The following TGFBRAP1 variants were observed in gnomAD, a reference collection of about 807,000 sequenced individuals.
The protein encoded by TGFBRAP1 is transforming growth factor-beta receptor-associated protein 1.
TGFBRAP1 carries 20 observed loss-of-function variants against 83.2 expected under a neutral mutation model. The observed-to-expected ratio is 0.24, with a 90% CI of 0.17 to 0.35. TGFBRAP1 has a LOEUF of 0.35. Ranked by LOEUF, TGFBRAP1 falls within the 10% of genes least tolerant of loss-of-function variation. The pLI is 1.00. For missense variants in TGFBRAP1, 950 were observed against 1,099.4 expected, an observed-to-expected ratio of 0.86 and a Z score of 1.92; for synonymous variants, 415 against 459.8, an observed-to-expected ratio of 0.90 and a Z score of 1.25.
chr2:105,316,420 AGTGTGTGT>A (rs71393002), intron 1 of TGFBRAP1, among the ~76,000 whole-genome samples: 1,592 of 109,124 alleles, frequency 0.015, 34 homozygotes, highest in African/African-American at 0.049. Flanking sequence ...AGGTATAGGG[AGTGTGTGT>A]GTGTGTGTGT....
At chr2:105,323,630 G>T (rs536583962) in intron 1 of TGFBRAP1, among the ~76,000 whole-genome samples, 51 of 152,124 alleles carry the variant, frequency 3.4e-4, no homozygotes, top group Non-Finnish European at 4.9e-4. Flanking sequence ...GGCAAACCTT[G>T]CCAGCAATAT....
chr2:105,291,224 T>G (rs140605095), intron 4 of TGFBRAP1, among the ~76,000 whole-genome samples: 9 of 152,166 alleles, frequency 5.9e-5, no homozygotes, highest in African/African-American at 2.2e-4. Context: ...GCCCTTATAC[T>G]AATCCTGAGA....
downstream of TGFBRAP1, among the ~76,000 whole-genome samples, chr2:105,261,221 G>A (rs1203284596): frequency 1.3e-5 from 2 of 152,134 alleles, no homozygotes; most frequent in Non-Finnish European, 2.9e-5. Flanking sequence ...TGCTGTGGAG[G>A]TAAATCATAA....
rs189349841 is a variant in TGFBRAP1, at chr2:105,314,092, C to T, written c.-17-5774G>A. Among the ~76,000 whole-genome samples, 831 of 151,932 alleles carry T rather than the reference C, an allele frequency of 5.5e-3. 36 individuals are homozygous for T. The highest frequency in any genetic ancestry group is 9.6e-4 in the Non-Finnish European group (65 of 67,964). On this transcript the variant is annotated intron_variant, in intron 1 of 11. Coordinates refer to ENST00000393359, the MANE Select transcript of TGFBRAP1 (RefSeq NM_004257.6). ...GGAAATTTGTACACAGAGACAGATA[C>T]ATACAGAGAAAAGACAAGTGAAGAC...
chr2:105,329,252 G>A (rs1183319427), intron 1 of TGFBRAP1, among the ~76,000 whole-genome samples: 2 of 151,894 alleles, frequency 1.3e-5, no homozygotes, highest in African/African-American at 4.8e-5. Context: ...TCAAGGACGA[G>A]GTCTCTCAGG....
chr2:105,295,295 C>T (rs1361805387), intron 4 of TGFBRAP1, among the ~76,000 whole-genome samples: 5 of 152,146 alleles, frequency 3.3e-5, no homozygotes, highest in Admixed American at 2.0e-4. Flanking sequence ...ATTACACTGT[C>T]TTCTCTAAAA....
chr2:105,319,372 T>G (rs1213941000), intron 1 of TGFBRAP1, among the ~76,000 whole-genome samples: 2 of 147,074 alleles, frequency 1.4e-5, no homozygotes, highest in African/African-American at 4.9e-5. Context: ...AAGAGCAATA[T>G]TTTAAGTAGA....
chr2:105,295,328 T>C (rs1279646525), intron 4 of TGFBRAP1, among the ~76,000 whole-genome samples: 1 of 152,192 alleles, frequency 6.6e-6, no homozygotes, highest in Non-Finnish European at 1.5e-5. Flanking sequence ...TAAGAACTTT[T>C]TCATTATTAA....
chr2:105,267,315 T>C lies in TGFBRAP1; in HGVS notation c.*68A>G. On this transcript the variant is annotated 3_prime_UTR_variant, in exon 12 of 12. Coordinates refer to ENST00000393359, the MANE Select transcript of TGFBRAP1 (RefSeq NM_004257.6). Reference sequence around the variant, plus strand: ...TGGCTGACACAGAGCATGGTGGTCATCTGCTCTTCATGTCCAGCAGGCTCA... The same window carrying C: ...TGGCTGACACAGAGCATGGTGGTCACCTGCTCTTCATGTCCAGCAGGCTCA... 6.3e-7 allele frequency: 1 copy of C among 1,583,138 alleles called. No homozygotes were observed. Among genetic ancestry groups the C allele is most frequent in the African/African-American group, 1.3e-5 (1 of 74,276 alleles).
chr2:105,267,600 A>G, intron 11 of TGFBRAP1, 41 bp from the exon 12 acceptor site: 1 of 1,610,474 alleles, frequency 6.2e-7, no homozygotes, highest in Non-Finnish European at 8.5e-7. Flanking sequence ...GTCATGTGTT[A>G]AGTATATTTA....
chr2:105,254,949 A>G, the TGFBRAP1 span, among the ~76,000 whole-genome samples: 1 of 152,188 alleles, frequency 6.6e-6, no homozygotes, highest in Non-Finnish European at 1.5e-5. Flanking sequence ...ATCTGCTGGC[A>G]TCTTGGTCTT....
intron 4 of TGFBRAP1, among the ~76,000 whole-genome samples, chr2:105,290,593 GAGAA>G (rs1464752394): frequency 1.3e-5 from 2 of 150,428 alleles, no homozygotes; most frequent in African/African-American, 4.9e-5. Flanking sequence ...GAGAAAGAGA[GAGAA>G]AGAGAGAAAC....
chr2:105,276,730 A>T (rs1677363547), intron 7 of TGFBRAP1, among the ~76,000 whole-genome samples: 1 of 152,172 alleles, frequency 6.6e-6, no homozygotes, highest in South Asian at 2.1e-4. Context: ...CTGACACCCA[A>T]ATCTACTCTT....
Position 105,308,155 on chromosome 2 carries a change from G to C in TGFBRAP1, c.147C>G (p.Phe49Leu), listed in dbSNP as rs1221938554. 6.2e-7 allele frequency: 1 copy of C among 1,614,160 alleles called. No homozygotes were observed. Among genetic ancestry groups the C allele is most frequent in the Non-Finnish European group, 8.5e-7 (1 of 1,180,028 alleles). The stretch of plus-strand genomic sequence containing the variant: ...CAGGCACTGGCCTCTCCTCCAACAG[G>C]AAGTGGTAGACGAAGCAGTCGTTGG... ...VGTNDCFVYH[F>L]LLEERPVPAG... The change falls in exon 2 of 12, where the codon TTC becomes TTG. Residue 49 changes from phenylalanine (F) to leucine (L), a missense_variant. Transcript: ENST00000393359.
rs1004297579 is a variant in TGFBRAP1, at chr2:105,293,182, G to GA, written c.1038+3173dup. Among the ~76,000 whole-genome samples, 89 of 150,780 alleles carry GA rather than the reference G, an allele frequency of 5.9e-4. 1 individual carries two copies. Among genetic ancestry groups the GA allele is most frequent in the African/African-American group, 2.0e-3 (84 of 41,036 alleles). ...TATTGAAATGTTTTTAGATGAAATG[G>GA]AAAAAAAAATCTATCGGAGCCCAAG... On this transcript the variant is annotated intron_variant, in intron 4 of 11. Coordinates refer to ENST00000393359, the MANE Select transcript of TGFBRAP1 (RefSeq NM_004257.6).
the TGFBRAP1 span, chr2:105,249,908 G>C: frequency 6.6e-6 from 1 of 152,270 alleles, no homozygotes; most frequent in Non-Finnish European, 1.5e-5. Context: ...TCTGGATTCT[G>C]TAAGAATAGA....
rs56016004 is a variant in TGFBRAP1 at position 105,280,719 on chromosome 2, C to A, written c.1126G>T (p.Gly376Cys). 6.2e-7 allele frequency: 1 copy of A among 1,611,780 alleles called. No homozygotes were observed. Among genetic ancestry groups the A allele is most frequent in the Non-Finnish European group, 8.5e-7 (1 of 1,178,634 alleles). ...ATCAGCTCCCGGACATCAAGCTGGC[C>A]GCTTCTGCAATTACAGTGTCAAACT... The part of the protein sequence containing the change: ...FLEAKELFRS[G>C]QLDVRELISL... The change falls in exon 6 of 12, where the codon GGC (glycine) becomes TGC (cysteine). Residue 376 changes from glycine to cysteine, a missense_variant. Coordinates refer to ENST00000393359, the MANE Select transcript of TGFBRAP1 (RefSeq NM_004257.6).
At chr2:105,260,690 T>C (rs1246784886), downstream of TGFBRAP1, among the ~76,000 whole-genome samples, 2 of 150,230 alleles carry the variant, frequency 1.3e-5, no homozygotes, top group Middle Eastern at 3.2e-3. Context: ...TGCATAACAA[T>C]GTAAATGTAT....
At chr2:105,278,412 G>T (rs569040873) in intron 6 of TGFBRAP1, among the ~76,000 whole-genome samples, 2 of 152,278 alleles carry the variant, frequency 1.3e-5, no homozygotes, top group East Asian at 3.9e-4. Flanking sequence ...CTCTGAACAT[G>T]AGGAACAGCA....
Sources: gnomAD v4.1 joint callset for allele counts (sites outside exome capture counted in the v4.1 genomes callset) on GRCh38, gnomAD v4.1.1 for gene constraint, MANE v1.5 for transcripts, NCBI Gene and HGNC (gene_info 2026-07-23, HGNC 2026-07-21) for gene names.